The following LUC7L2 variants were observed in gnomAD, a reference collection of about 807,000 sequenced individuals.
The protein encoded by LUC7L2 is putative RNA-binding protein Luc7-like 2.
Under a neutral mutation model 52.8 loss-of-function variants are expected in LUC7L2, and 25 were observed. The observed-to-expected ratio is 0.47, with a 90% confidence interval of 0.34 to 0.66. The LOEUF (loss-of-function observed/expected upper bound fraction) is 0.66. LUC7L2 is among the 30% of genes least tolerant of loss of function. The pLI is 0.01. For missense variants in LUC7L2, 328 were observed against 497.8 expected, an observed-to-expected ratio of 0.66 and a Z score of 3.25; for synonymous variants, 144 against 160.9, an observed-to-expected ratio of 0.89 and a Z score of 0.80.
Position 139,422,446 on chromosome 7 carries a change from C to G in LUC7L2, c.*106C>G, listed in dbSNP as rs758698478. ...CAGTGAGCAGATCCAGACACCAGAT[C>G]CAGCTAGGCTAGATGTACAGTATCT... On this transcript the variant is annotated 3_prime_UTR_variant, in exon 10 of 10. Coordinates refer to ENST00000354926, the MANE Select transcript of LUC7L2 (RefSeq NM_016019.5). The G allele has an allele frequency of 2.5e-4, 370 of 1,484,376 alleles. 1 individual carries two copies. Among genetic ancestry groups the G allele is most frequent in the Non-Finnish European group, 3.2e-4 (357 of 1,119,292 alleles). The allele number at this position is 1,484,376 out of a possible 1,614,324, so 92.0% of individuals were successfully genotyped here.
upstream of LUC7L2, among the ~76,000 whole-genome samples, chr7:139,357,438 AAAG>A (rs774506062): frequency 2.6e-5 from 4 of 152,096 alleles, no homozygotes; most frequent in South Asian, 6.2e-4. Context: ...AAAATAAAAA[AAAG>A]AACTCAAATC....
intron 2 of LUC7L2, among the ~76,000 whole-genome samples, chr7:139,380,040 G>C (rs1340317100): frequency 6.6e-6 from 1 of 151,694 alleles, no homozygotes; most frequent in Admixed American, 6.6e-5. Flanking sequence ...TTAGCCGGGC[G>C]TAGTGGCCCG....
intron 1 of LUC7L2, chr7:139,346,125 T>C (rs1038707979): frequency 6.5e-6 from 1 of 154,908 alleles, no homozygotes. Flanking sequence ...TAATCCCAGC[T>C]ACTCAGGAGG....
chr7:139,380,820 A>T (rs1800976629), intron 2 of LUC7L2, among the ~76,000 whole-genome samples: 1 of 152,202 alleles, frequency 6.6e-6, no homozygotes, highest in Non-Finnish European at 1.5e-5. Flanking sequence ...TTCCCTGAGG[A>T]AAGATAAAGA....
upstream of LUC7L2, among the ~76,000 whole-genome samples, chr7:139,356,214 G>A (rs1799598976): frequency 6.6e-6 from 1 of 151,250 alleles, no homozygotes; most frequent in South Asian, 2.1e-4. Context: ...AGAGGCTGAG[G>A]TGGGAGGATC....
At chr7:139,347,055 T>A (rs1386120870) in intron 1 of LUC7L2, among the ~76,000 whole-genome samples, 1 of 152,184 alleles carries the variant, frequency 6.6e-6, no homozygotes, top group Non-Finnish European at 1.5e-5. Flanking sequence ...TATCCTTATT[T>A]CCTCAAAAAT....
intron 5 of LUC7L2, among the ~76,000 whole-genome samples, chr7:139,406,290 G>A (rs1230802088): frequency 6.6e-6 from 1 of 151,356 alleles, no homozygotes; most frequent in Non-Finnish European, 1.5e-5. Context: ...AACCTCAGGT[G>A]ATCCACCTGC....
chr7:139,388,004 CTT>C (rs1314782764), intron 2 of LUC7L2, among the ~76,000 whole-genome samples: 9 of 152,106 alleles, frequency 5.9e-5, no homozygotes, highest in Admixed American at 4.6e-4. Flanking sequence ...TGTTTACACT[CTT>C]TTCTTCTGCC....
chr7:139,355,708 A>G (rs965282296), upstream of LUC7L2, among the ~76,000 whole-genome samples: 1 of 152,234 alleles, frequency 6.6e-6, no homozygotes, highest in Non-Finnish European at 1.5e-5. Flanking sequence ...TGAAAGACCA[A>G]GGTAAAAAGT....
At chr7:139,343,662 C>CA (rs1799112168) in intron 1 of LUC7L2, among the ~76,000 whole-genome samples, 1 of 152,078 alleles carries the variant, frequency 6.6e-6, no homozygotes, top group Admixed American at 6.6e-5. Context: ...AGGCCAGGAG[C>CA]GGTGGCTCAC....
intron 2 of LUC7L2, among the ~76,000 whole-genome samples, chr7:139,393,196 G>A (rs1320522007): frequency 6.6e-6 from 1 of 152,016 alleles, no homozygotes; most frequent in Non-Finnish European, 1.5e-5. Context: ...GAACCTGGGA[G>A]GCAGAGGTTG....
intron 2 of LUC7L2, among the ~76,000 whole-genome samples, chr7:139,394,266 T>G (rs1042804468): frequency 6.6e-6 from 1 of 152,226 alleles, no homozygotes; most frequent in African/African-American, 2.4e-5. Context: ...GTTTGATTTA[T>G]TCAACATAGG....
intron 1 of LUC7L2, 89 bp from the exon 2 acceptor site, chr7:139,375,973 C>A: frequency 7.5e-7 from 1 of 1,341,410 alleles, no homozygotes; most frequent in Admixed American, 1.9e-5. Flanking sequence ...TGTATATAGC[C>A]ACACATAAAA....
intron 2 of LUC7L2, among the ~76,000 whole-genome samples, chr7:139,380,327 C>T (rs1318291139): frequency 6.6e-6 from 1 of 151,824 alleles, no homozygotes; most frequent in Non-Finnish European, 1.5e-5. Context: ...GGCTCAGTGG[C>T]TCATGCCTAT....
intron 1 of LUC7L2, among the ~76,000 whole-genome samples, chr7:139,346,508 G>A (rs570463039): frequency 1.1e-4 from 16 of 152,282 alleles, no homozygotes; most frequent in African/African-American, 3.1e-4. Context: ...GGGACATTGA[G>A]GAGAGTTAAA....
At chr7:139,385,311 CTTTTTTTT>C (rs58744665) in intron 2 of LUC7L2, among the ~76,000 whole-genome samples, 47,903 of 118,430 alleles carry the variant, frequency 0.4, 11,735 homozygotes, top group African/African-American at 0.7. Context: ...GTTAGGATTA[CTTTTTTTT>C]TTTTTTTTTT....
chr7:139,361,019 C>A (rs1799853918), intron 1 of LUC7L2, among the ~76,000 whole-genome samples: 1 of 152,108 alleles, frequency 6.6e-6, no homozygotes, highest in African/African-American at 2.4e-5. Context: ...CCTAACAGAA[C>A]GATTTTGAAA....
chr7:139,373,030 T>A (rs1038961492), intron 1 of LUC7L2, among the ~76,000 whole-genome samples: 3 of 152,212 alleles, frequency 2.0e-5, no homozygotes, highest in Non-Finnish European at 4.4e-5. Context: ...CACATTAAAT[T>A]GAAAATAATT....
At chr7:139,360,441 A>G in intron 1 of LUC7L2, 119 bp downstream of exon 1, 1 of 866,898 alleles carries the variant, frequency 1.2e-6, no homozygotes, top group Non-Finnish European at 1.8e-6. Flanking sequence ...CAGATTGGTA[A>G]CACGAGGTCC....
Sources: gnomAD v4.1 joint callset for allele counts (sites outside exome capture counted in the v4.1 genomes callset) on GRCh38, gnomAD v4.1.1 for gene constraint, MANE v1.5 for transcripts, NCBI Gene and HGNC (gene_info 2026-07-23, HGNC 2026-07-21) for gene names.